The following MSRA variants were observed in gnomAD, a reference collection of about 807,000 sequenced individuals.
MSRA encodes the protein methionine sulfoxide reductase A.
MSRA carries 54 observed loss-of-function variants against 31.3 expected under a neutral mutation model. The ratio of observed to expected loss-of-function variants is 1.73; its 90% CI spans 1.39 to 2.17. MSRA has a LOEUF of 2.17. Ranked by LOEUF, MSRA falls within the 30% of genes most tolerant of loss-of-function variation. The pLI is 0.00. For synonymous variants in MSRA, 169 were observed against 116.5 expected, an observed-to-expected ratio of 1.45 and a Z score of -2.90; for missense variants, 507 against 300.9, an observed-to-expected ratio of 1.69 and a Z score of -5.07.
chr8:10,226,210 C>T (rs1318739374), intron 2 of MSRA, among the ~76,000 whole-genome samples: 4 of 152,316 alleles, frequency 2.6e-5, no homozygotes, highest in South Asian at 2.1e-4. Context: ...TATCTCAAAC[C>T]AGCTGTCTTG....
intron 1 of MSRA, among the ~76,000 whole-genome samples, chr8:10,116,354 T>A (rs1800676675): frequency 6.6e-6 from 1 of 152,230 alleles, no homozygotes; most frequent in African/African-American, 2.4e-5. Context: ...GCCCAAAGAT[T>A]GGACACCCCC....
chr8:10,115,688 C>T (rs1381527176), intron 1 of MSRA, among the ~76,000 whole-genome samples: 1 of 152,084 alleles, frequency 6.6e-6, no homozygotes, highest in African/African-American at 2.4e-5. Context: ...CAAGAGATTT[C>T]CATTCATGAT....
intron 1 of MSRA, among the ~76,000 whole-genome samples, chr8:10,106,013 G>T (rs777662018): frequency 2.6e-5 from 4 of 152,178 alleles, no homozygotes; most frequent in Non-Finnish European, 5.9e-5. Context: ...TTTTAAAATT[G>T]GAATCGGAAA....
chr8:10,325,520 T>A (rs1802311686), intron 5 of MSRA, among the ~76,000 whole-genome samples: 1 of 152,214 alleles, frequency 6.6e-6, no homozygotes, highest in African/African-American at 2.4e-5. Context: ...TATGTCTTTA[T>A]ATAAAGTTAA....
At chr8:10,303,743 G>A (rs982615735) in intron 4 of MSRA, among the ~76,000 whole-genome samples, 5 of 152,166 alleles carry the variant, frequency 3.3e-5, no homozygotes. Flanking sequence ...GGGGATGATG[G>A]TTAGTTAAGG....
chr8:10,140,573 C>A (rs1323534959), intron 1 of MSRA, among the ~76,000 whole-genome samples: 1 of 152,088 alleles, frequency 6.6e-6, no homozygotes, highest in Non-Finnish European at 1.5e-5. Flanking sequence ...AGCAAATGAA[C>A]AAACATACAA....
Position 10,260,755 on chromosome 8 carries a change from G to A in MSRA, c.331+15532G>A, listed in dbSNP as rs147202163. On this transcript the variant is annotated intron_variant, in intron 3 of 5. Transcript: ENST00000317173. ...AAAGGAAGGAAATTACATTGTGTGC[G>A]TGTGTGTGTGCTTAATGTCTTTTGT... Among the ~76,000 whole-genome samples the A allele has an allele frequency of 3.2e-4, 49 of 151,928 alleles. No individual in the cohort carries two copies. In the East Asian group the frequency reaches 6.4e-3, roughly 20 times the overall value.
intron 5 of MSRA, among the ~76,000 whole-genome samples, chr8:10,376,127 G>T (rs1204584635): frequency 6.6e-6 from 1 of 152,144 alleles, no homozygotes; most frequent in Non-Finnish European, 1.5e-5. Flanking sequence ...TCACATTTCT[G>T]ACAATCTGAG....
intron 1 of MSRA, among the ~76,000 whole-genome samples, chr8:10,115,437 C>G (rs1276023124): frequency 6.6e-6 from 1 of 152,200 alleles, no homozygotes; most frequent in Non-Finnish European, 1.5e-5. Flanking sequence ...AGATCCTTTC[C>G]TAGCACCTTC....
At chr8:10,070,226 A>G (rs1449114663) in intron 1 of MSRA, among the ~76,000 whole-genome samples, 2 of 152,160 alleles carry the variant, frequency 1.3e-5, no homozygotes, top group Admixed American at 1.3e-4. Flanking sequence ...TTGCCAGTGC[A>G]TTTGGATTGG....
chr8:10,210,535 T>C (rs932583211), intron 2 of MSRA, among the ~76,000 whole-genome samples: 1 of 152,176 alleles, frequency 6.6e-6, no homozygotes, highest in Non-Finnish European at 1.5e-5. Context: ...AGAATACTGG[T>C]TGGAGCAAGA....
At chr8:10,289,951 C>A (rs1800143867) in intron 3 of MSRA, among the ~76,000 whole-genome samples, 1 of 152,200 alleles carries the variant, frequency 6.6e-6, no homozygotes, top group Non-Finnish European at 1.5e-5. Flanking sequence ...CTGGTAAGTT[C>A]CCAAAGTGCT....
At chr8:10,383,560 G>A (rs189990912) in intron 5 of MSRA, among the ~76,000 whole-genome samples, 15 of 151,560 alleles carry the variant, frequency 9.9e-5, no homozygotes, top group Admixed American at 9.8e-4. Context: ...TTTTTTCCAG[G>A]TGGTTTCAGG....
chr8:10,408,935 A>C (rs1361868685), intron 5 of MSRA, among the ~76,000 whole-genome samples: 1 of 152,228 alleles, frequency 6.6e-6, no homozygotes, highest in East Asian at 1.9e-4. Flanking sequence ...TCCATGGTAC[A>C]TATACGCCAC....
intron 3 of MSRA, among the ~76,000 whole-genome samples, chr8:10,296,116 A>T (rs1800528358): frequency 6.6e-6 from 1 of 152,146 alleles, no homozygotes; most frequent in African/African-American, 2.4e-5. Context: ...TAGGGTGTGG[A>T]TGAAGGCTGA....
At chr8:10,187,506 C>A (rs1432958431) in intron 1 of MSRA, among the ~76,000 whole-genome samples, 3 of 152,134 alleles carry the variant, frequency 2.0e-5, no homozygotes, top group Non-Finnish European at 4.4e-5. Flanking sequence ...ACTTACACAA[C>A]CACCCTTTCA....
At chr8:10,245,016 T>C (rs1420370357) in intron 2 of MSRA, 88 bp from the exon 3 acceptor site, 14 of 1,261,510 alleles carry the variant, frequency 1.1e-5, no homozygotes, top group Non-Finnish European at 1.4e-5. Flanking sequence ...TTTTTTTTTT[T>C]CTTCATGTAA....
chr8:10,190,324 T>G (rs1175521760), intron 1 of MSRA, among the ~76,000 whole-genome samples: 3 of 152,174 alleles, frequency 2.0e-5, no homozygotes, highest in Non-Finnish European at 2.9e-5. Context: ...CCAGAGCCCC[T>G]GGGCCGCCCC....
At chr8:10,288,113 G>C (rs1374864011) in intron 3 of MSRA, among the ~76,000 whole-genome samples, 1 of 152,176 alleles carries the variant, frequency 6.6e-6, no homozygotes, top group African/African-American at 2.4e-5. Context: ...TGGAATTATA[G>C]TTGGTTTGGT....
Sources: gnomAD v4.1 joint callset for allele counts (sites outside exome capture counted in the v4.1 genomes callset) on GRCh38, gnomAD v4.1.1 for gene constraint, MANE v1.5 for transcripts, NCBI Gene and HGNC (gene_info 2026-07-23, HGNC 2026-07-21) for gene names.